Variants in SYNE1 observed in about 807,000 individuals in gnomAD.
The protein encoded by SYNE1 is nesprin-1.
Under a neutral mutation model 1,111.0 loss-of-function variants are expected in SYNE1, and 616 were observed. The ratio of observed to expected loss-of-function variants is 0.55; its 90% CI spans 0.52 to 0.59. SYNE1 has a LOEUF of 0.59. Among genes scored for constraint, SYNE1 ranks in the 20% least tolerant of loss-of-function variants. SYNE1 has a pLI of 0.00. For synonymous variants in SYNE1, 3,855 were observed against 3,825.8 expected, an observed-to-expected ratio of 1.01 and a Z score of -0.28; for missense variants, 10,006 against 10,417.0, an observed-to-expected ratio of 0.96 and a Z score of 1.72.
intron 11 of SYNE1, among the ~76,000 whole-genome samples, chr6:152,489,003 C>T (rs950395798): frequency 2.0e-5 from 3 of 152,126 alleles, no homozygotes; most frequent in African/African-American, 7.2e-5. Context: ...ACAGAAAACA[C>T]ATTTATCTTG....
chr6:152,397,319 G>A (rs1226225187), intron 49 of SYNE1, among the ~76,000 whole-genome samples: 1 of 152,190 alleles, frequency 6.6e-6, no homozygotes, highest in Non-Finnish European at 1.5e-5. Flanking sequence ...TACCTGGTTA[G>A]CTGCCTCCAG....
In SYNE1 at chr6:152,318,070, G is replaced by C. The variant is rs181304168; in HGVS notation, c.16572+11C>G. The C allele has an allele frequency of 6.2e-7, 1 of 1,614,124 alleles. No individual in the cohort carries two copies. Among genetic ancestry groups the C allele is most frequent in the Non-Finnish European group, 8.5e-7 (1 of 1,180,034 alleles). ...CTTACACGATTTGGATTTCTGGCCCGGAACACATACCTGATTGAGCTTGGA... is the reference window on the plus strand; with the variant it reads ...CTTACACGATTTGGATTTCTGGCCCCGAACACATACCTGATTGAGCTTGGA... On this transcript the variant is annotated intron_variant, in intron 86 of 145. Transcript: ENST00000367255.
At position 152,471,726 on chromosome 6, in the gene SYNE1, C is replaced by T. The variant is rs1354035382; in HGVS notation, c.1503G>A (p.Met501Ile). The change falls in exon 16 of 146, where the codon ATG becomes ATA. Residue 501 changes from methionine (M) to isoleucine (I), a missense_variant. By Grantham distance (10) the Met-to-Ile change is conservative (BLOSUM62 1). Around this residue, in one of 7 missense-constraint regions of SYNE1, gnomAD observed 1,971 missense variants for 2,084.1 expected, o/e 0.95. Coordinates refer to ENST00000367255, the MANE Select transcript of SYNE1 (RefSeq NM_182961.4). The part of the protein sequence containing the change: ...FVSSTSELHL[M>I]KMEFLELKYR... The stretch of plus-strand genomic sequence containing the variant: ...ACTTTAATTCTAAAAATTCCATTTT[C>T]ATTAGGTGTAGCTCTGATGTGGAGG... The T allele has an allele frequency of 6.2e-7, 1 of 1,613,852 alleles. No homozygotes were observed. The highest frequency in any genetic ancestry group is 1.7e-5 in the Admixed American group (1 of 60,010).
At chr6:152,370,041 G>A (rs1486268058) in intron 59 of SYNE1, among the ~76,000 whole-genome samples, 1 of 133,956 alleles carries the variant, frequency 7.5e-6, no homozygotes, top group Non-Finnish European at 1.6e-5. Flanking sequence ...CCGCTCCAAA[G>A]TCTGAAACAC....
chr6:152,516,621 C>G (rs548079701), intron 6 of SYNE1, among the ~76,000 whole-genome samples: 1 of 152,212 alleles, frequency 6.6e-6, no homozygotes, highest in African/African-American at 2.4e-5. Flanking sequence ...GAGTCTTGCT[C>G]TGTCGCTCAG....
chr6:152,326,248 T>C (rs994272855), intron 79 of SYNE1, 48 bp downstream of exon 79: 6 of 1,612,804 alleles, frequency 3.7e-6, no homozygotes, highest in Non-Finnish European at 5.1e-6. Flanking sequence ...ACTTTCAGTG[T>C]GGAAATTCAT....
At chr6:152,318,769 T>C in intron 85 of SYNE1, 94 bp downstream of exon 85, 1 of 1,485,126 alleles carries the variant, frequency 6.7e-7, no homozygotes, top group African/African-American at 1.4e-5. Context: ...TAAAAAAGGT[T>C]CCTAAAAGGT....
At chr6:152,322,595 C>G (rs780233671) in intron 82 of SYNE1, among the ~76,000 whole-genome samples, 31 of 152,140 alleles carry the variant, frequency 2.0e-4, no homozygotes, top group Non-Finnish European at 4.0e-4. Flanking sequence ...CCCTGTCACC[C>G]CAGATGGCCA....
At chr6:152,564,867 A>G (rs980696490) in intron 3 of SYNE1, among the ~76,000 whole-genome samples, 2 of 152,220 alleles carry the variant, frequency 1.3e-5, no homozygotes, top group African/African-American at 4.8e-5. Context: ...TCATTTAGCC[A>G]TATGTAAACT....
rs118139901 is a variant in SYNE1, at chr6:152,308,153, G to A, written c.17346+336C>T. On this transcript the variant is annotated intron_variant, in intron 91 of 145. Transcript: ENST00000367255. ...AGATCAATGCAGCAAAGCTTTAAGC[G>A]TTGCTGTTTCTCGTAGGCATTAAAA... is the stretch of plus-strand genomic sequence containing the variant. Among the ~76,000 whole-genome samples, 957 of 152,196 alleles carry A rather than the reference G, an allele frequency of 6.3e-3. 10 individuals carry two copies. The highest frequency in any genetic ancestry group is 0.038 in the East Asian group (198 of 5,170).
At position 152,330,539 on chromosome 6, in the gene SYNE1, A is replaced by T. The variant is rs1465725804; in HGVS notation, c.14146T>A (p.Cys4716Ser). ...VEEALSLQDGCRAILDEVAGL... is the reference protein window; with the variant it reads ...VEEALSLQDGSRAILDEVAGL... ...GCCACCTCGTCCAGAATGGCTCTGC[A>T]ACCATCTTGCAGAGAAAGAGCCTCC... is the stretch of plus-strand genomic sequence containing the variant. The change falls in exon 78 of 146, where the codon TGC becomes AGC. Residue 4716 changes from cysteine (C) to serine (S), a missense_variant. This residue lies in a region of SYNE1 where 4,955 missense variants were observed against 5,017.2 expected (regional missense o/e 0.99). Coordinates refer to ENST00000367255, the MANE Select transcript of SYNE1 (RefSeq NM_182961.4). The T allele has an allele frequency of 6.2e-7, 1 of 1,614,102 alleles. No individual in the cohort carries two copies.
At position 152,186,884 on chromosome 6, in the gene SYNE1, G is replaced by A. The variant is rs1277247335; in HGVS notation, c.23301+2368C>T. 2.0e-5 allele frequency among the ~76,000 whole-genome samples: 3 copies of A among 152,126 alleles called. No individual in the cohort carries two copies. In the East Asian group the frequency reaches 5.8e-4, roughly 29 times the overall value. ...CTCACAAACGTAACTGAAGGTTGCTGTGATAATTTCCCACAATTTGTACCC... is the reference window on the plus strand; with the variant it reads ...CTCACAAACGTAACTGAAGGTTGCTATGATAATTTCCCACAATTTGTACCC... On this transcript the variant is annotated intron_variant, in intron 128 of 145. Transcript: ENST00000367255.
At chr6:152,621,005 G>A (rs898378556) in intron 3 of SYNE1, among the ~76,000 whole-genome samples, 1 of 152,158 alleles carries the variant, frequency 6.6e-6, no homozygotes, top group African/African-American at 2.4e-5. Context: ...AGGAAGGAGA[G>A]GAAATTTCTG....
chr6:152,248,015 T>C (rs2087926641), intron 105 of SYNE1, among the ~76,000 whole-genome samples: 1 of 152,022 alleles, frequency 6.6e-6, no homozygotes, highest in Admixed American at 6.6e-5. Flanking sequence ...AAACAGGAGA[T>C]ATTCTAACAT....
Position 152,148,352 on chromosome 6 carries a change from T to G in SYNE1, c.24669A>C (p.Ser8223=). 1 of 1,614,108 alleles carries G rather than the reference T, an allele frequency of 6.2e-7. No individual in the cohort carries two copies. The highest frequency in any genetic ancestry group is 8.5e-7 in the Non-Finnish European group (1 of 1,180,010). Residue 8223 remains serine (S), a synonymous_variant, in exon 137 of 146, where the codon TCA becomes TCC. Coordinates refer to ENST00000367255, the MANE Select transcript of SYNE1 (RefSeq NM_182961.4). This position sits in a 1 kb window ranked among gnomAD's most constrained non-coding sequence, Gnocchi z 4.1. ...LPLPDDEHDL[S]DRELELEDSA... is the part of the protein sequence containing the mutation. The stretch of plus-strand genomic sequence containing the variant: ...AGTCTTCCAGCTCCAGCTCCCTGTC[T>G]GAGAGGTCGTGCTCATCGTCTGGGA...
intron 18 of SYNE1, chr6:152,464,981 G>A: frequency 2.1e-6 from 1 of 479,936 alleles, no homozygotes; most frequent in Non-Finnish European, 3.8e-6. Flanking sequence ...ATCCATGAAG[G>A]CTGGGGCCCT....
At chr6:152,465,573 G>T in intron 17 of SYNE1, 113 bp from the exon 18 acceptor site, 1 of 958,122 alleles carries the variant, frequency 1.0e-6, no homozygotes, top group Non-Finnish European at 1.6e-6. Context: ...AAATGCCAGA[G>T]TTCATTTCCA....
intron 3 of SYNE1, among the ~76,000 whole-genome samples, chr6:152,557,077 G>GA (rs2099367549): frequency 6.6e-6 from 1 of 152,000 alleles, no homozygotes; most frequent in East Asian, 1.9e-4. Flanking sequence ...AACAACACCT[G>GA]AAAAAAATCA....
intron 8 of SYNE1, among the ~76,000 whole-genome samples, chr6:152,508,592 T>A (rs1426423296): frequency 6.6e-6 from 1 of 152,188 alleles, no homozygotes; most frequent in East Asian, 1.9e-4. Flanking sequence ...CCACAGAATA[T>A]CACCTTGACA....
Sources: gnomAD v4.1 joint callset for allele counts (sites outside exome capture counted in the v4.1 genomes callset) on GRCh38, gnomAD v4.1.1 for gene constraint, gnomAD v4.1.1 regional missense constraint, Gnocchi (gnomAD v3.1) non-coding constraint, MANE v1.5 for transcripts, NCBI Gene and HGNC (gene_info 2026-07-23, HGNC 2026-07-21) for gene names.